The following USP31 variants were observed in gnomAD, a reference collection of about 807,000 sequenced individuals.
USP31 encodes the protein ubiquitin carboxyl-terminal hydrolase 31.
Under a neutral mutation model 119.4 loss-of-function variants are expected in USP31, and 44 were observed. That is an observed-to-expected ratio of 0.37 (90% CI 0.29 to 0.47). USP31 has a LOEUF of 0.47. USP31 is among the 20% of genes least tolerant of loss of function. The pLI, the probability that USP31 is intolerant of heterozygous loss-of-function variation, is 0.99. For missense variants in USP31, 1,643 were observed against 1,730.2 expected (o/e 0.95, Z 0.89); for synonymous variants, 749 against 705.6 (o/e 1.06, Z -0.97).
chr16:23,109,337 G>A (rs1596717943), intron 1 of USP31, among the ~76,000 whole-genome samples: 1 of 151,932 alleles, frequency 6.6e-6, no homozygotes, highest in East Asian at 1.9e-4. Context: ...CATGTCAAAG[G>A]GACACAGGAA....
intron 6 of USP31, among the ~76,000 whole-genome samples, chr16:23,099,253 T>G (rs974629196): frequency 3.9e-5 from 6 of 152,060 alleles, no homozygotes; most frequent in Admixed American, 3.9e-4. Flanking sequence ...GAAATGCAAA[T>G]CAAAACCACA....
chr16:23,132,653 A>G (rs972255883), intron 1 of USP31, among the ~76,000 whole-genome samples: 6 of 152,214 alleles, frequency 3.9e-5, no homozygotes, highest in East Asian at 3.8e-4. Context: ...TCCTTTCTAC[A>G]TGGGTCACCA....
chr16:23,094,196 C>T (rs972299173), intron 6 of USP31, among the ~76,000 whole-genome samples: 4 of 152,188 alleles, frequency 2.6e-5, no homozygotes, highest in South Asian at 2.1e-4. Flanking sequence ...GAGATTCTCT[C>T]CCATGCCTGG....
Position 23,072,121 on chromosome 16 carries a change from T to G in USP31, c.2412A>C (p.Ala804=). The G allele has an allele frequency of 6.2e-7, 1 of 1,613,354 alleles. No individual in the cohort carries two copies. Among genetic ancestry groups the G allele is most frequent in the Non-Finnish European group, 8.5e-7 (1 of 1,180,034 alleles). ...CCAGGGAGGTGCGTCTGGAGGAAGC[T>G]GCAGAGGTCACGCTGGCTGGCTTGC... ...PGSKPASVTS[A]ASSRRTSLAS... is the part of the protein sequence containing the mutation. Residue 804 remains alanine (A), a synonymous_variant, in exon 15 of 16, where the codon GCA becomes GCC. Coordinates refer to ENST00000219689, the MANE Select transcript of USP31 (RefSeq NM_020718.4).
chr16:23,110,723 T>C (rs570990401), intron 1 of USP31, among the ~76,000 whole-genome samples: 1 of 152,252 alleles, frequency 6.6e-6, no homozygotes, highest in African/African-American at 2.4e-5. Context: ...GTAAAATGGA[T>C]AATAATGACT....
At chr16:23,147,657 T>C (rs879191238) in intron 1 of USP31, among the ~76,000 whole-genome samples, 2 of 152,158 alleles carry the variant, frequency 1.3e-5, no homozygotes, top group East Asian at 1.9e-4. Context: ...CAGGGATGTA[T>C]AGCTCACCCC....
intron 11 of USP31, among the ~76,000 whole-genome samples, chr16:23,084,356 A>G (rs1900996550): frequency 6.6e-6 from 1 of 152,180 alleles, no homozygotes; most frequent in African/African-American, 2.4e-5. Flanking sequence ...GTCTATATCT[A>G]CGCTGTTCAA....
At chr16:23,119,138 C>T (rs1353588223) in intron 1 of USP31, among the ~76,000 whole-genome samples, 1 of 150,762 alleles carries the variant, frequency 6.6e-6, no homozygotes, top group Non-Finnish European at 1.5e-5. Flanking sequence ...TCGCTTTGTC[C>T]CCCAGGCTGG....
chr16:23,133,446 G>T (rs1485454376), intron 1 of USP31, among the ~76,000 whole-genome samples: 1 of 152,212 alleles, frequency 6.6e-6, no homozygotes, highest in Non-Finnish European at 1.5e-5. Context: ...GCACATGAGG[G>T]AGTTGGGGGG....
chr16:23,071,608 G>A (rs549634731), intron 15 of USP31, among the ~76,000 whole-genome samples: 1 of 152,312 alleles, frequency 6.6e-6, no homozygotes, highest in East Asian at 1.9e-4. Context: ...GCAGCATGTT[G>A]GAAGGTGAGG....
At chr16:23,093,217 C>T (rs1385842000) in intron 6 of USP31, among the ~76,000 whole-genome samples, 3 of 152,104 alleles carry the variant, frequency 2.0e-5, no homozygotes, top group Non-Finnish European at 4.4e-5. Flanking sequence ...TCAAAGAACA[C>T]TATCAAGAAA....
chr16:23,081,920 T>C (rs1326522890), intron 12 of USP31, among the ~76,000 whole-genome samples: 1 of 152,168 alleles, frequency 6.6e-6, no homozygotes, highest in East Asian at 1.9e-4. Flanking sequence ...CCTTGTGGAG[T>C]CCGCTAATGT....
intron 1 of USP31, among the ~76,000 whole-genome samples, chr16:23,143,433 A>C (rs1045357425): frequency 6.6e-6 from 1 of 152,166 alleles, no homozygotes; most frequent in Non-Finnish European, 1.5e-5. Flanking sequence ...AAAATGGCAT[A>C]TTATGTATTC....
At chr16:23,085,492 T>G (rs886291160) in intron 10 of USP31, 93 bp downstream of exon 10, 2 of 1,145,144 alleles carry the variant, frequency 1.7e-6, no homozygotes, top group African/African-American at 1.5e-5. Flanking sequence ...GAAGAGAGAT[T>G]TGTGTTTCAG....
chr16:23,087,887 C>A (rs372208295), intron 7 of USP31, 52 bp from the exon 8 acceptor site: 2 of 1,456,222 alleles, frequency 1.4e-6, no homozygotes, highest in Non-Finnish European at 1.9e-6. Context: ...ATTCCTTTAA[C>A]ACTGTTATCT....
chr16:23,068,728 G>A lies in USP31; in HGVS notation c.3377C>T (p.Ser1126Phe), dbSNP rs767401137. ...CGAGGCCTTTTTGGCAGATGTGGAG[G>A]AAGCAGTGTAGGTGAGGGCCGAGGC... is the stretch of plus-strand genomic sequence containing the variant. ...KSASALTYTA[S>F]STSAKKASGP... Residue 1126 changes from serine (S) to phenylalanine (F), a missense_variant, in exon 16 of 16, where the codon TCC becomes TTC. By Grantham distance (155) the Ser-to-Phe change is radical. This residue lies in a region of USP31 where 699 missense variants were observed against 650.9 expected (regional missense o/e 1.07). Transcript: ENST00000219689. The A allele has an allele frequency of 1.2e-5, 19 of 1,611,246 alleles. No homozygotes were observed. The South Asian group carries it at 1.8e-4, about 15-fold the overall frequency.
intron 1 of USP31, among the ~76,000 whole-genome samples, chr16:23,135,477 TAAATTCAGC>T (rs1484120681): frequency 6.6e-6 from 1 of 152,144 alleles, no homozygotes; most frequent in East Asian, 1.9e-4. Context: ...TTAGCACTAA[TAAATTCAGC>T]AAATTGCAGG....
At chr16:23,098,581 G>C (rs1901716608) in intron 6 of USP31, among the ~76,000 whole-genome samples, 1 of 152,068 alleles carries the variant, frequency 6.6e-6, no homozygotes, top group African/African-American at 2.4e-5. Context: ...ATACTACAAG[G>C]CTACAGTAAC....
intron 6 of USP31, among the ~76,000 whole-genome samples, chr16:23,098,041 T>C (rs1055419917): frequency 2.6e-5 from 4 of 152,214 alleles, no homozygotes; most frequent in African/African-American, 7.2e-5. Context: ...TTGTCCCTGT[T>C]TGCAGATGAC....
Sources: allele counts gnomAD v4.1 joint callset (sites outside exome capture counted in the v4.1 genomes callset), GRCh38; gene constraint gnomAD v4.1.1; regional missense constraint gnomAD v4.1.1; transcripts MANE v1.5; gene names NCBI Gene and HGNC (gene_info 2026-07-23, HGNC 2026-07-21).